Variants in DNAH5 observed in about 807,000 individuals in gnomAD.
DNAH5 encodes the protein axonemal beta dynein heavy chain 5.
DNAH5 carries 372 observed loss-of-function variants against 518.2 expected under a neutral mutation model. The observed-to-expected ratio is 0.72, with a 90% confidence interval of 0.66 to 0.78. The LOEUF (loss-of-function observed/expected upper bound fraction) is 0.78. Among genes scored for constraint, DNAH5 ranks in the 30% least tolerant of loss-of-function variants. The pLI is 0.00. For missense variants in DNAH5, 5,523 were observed against 5,687.0 expected (o/e 0.97, Z 0.93); for synonymous variants, 2,039 against 2,025.9 (o/e 1.01, Z -0.17).
Position 13,876,795 on chromosome 5 carries a change from T to G in DNAH5, c.3285A>C (p.Val1095=). 3.7e-6 allele frequency: 6 copies of G among 1,613,806 alleles called. No individual in the cohort carries two copies. The highest frequency in any genetic ancestry group is 5.1e-6 in the Non-Finnish European group (6 of 1,179,802). The change falls in exon 22 of 79, where the codon GTA becomes GTC. Residue 1095 remains valine, a synonymous_variant. Transcript: ENST00000265104. ...TGGTTTGCACGGGAATGGGTAAATTTACAGATGCTATCTCCAAGGTATCTA... is the reference window on the plus strand; with the variant it reads ...TGGTTTGCACGGGAATGGGTAAATTGACAGATGCTATCTCCAAGGTATCTA... ...ELQDTLEIAS[V]NLPIPVQTKN...
At chr5:13,747,199 C>T (rs1749495703) in intron 65 of DNAH5, among the ~76,000 whole-genome samples, 2 of 152,154 alleles carry the variant, frequency 1.3e-5, no homozygotes, top group South Asian at 2.1e-4. Context: ...TCATCCATGT[C>T]CCTACAAAGG....
upstream of DNAH5, among the ~76,000 whole-genome samples, chr5:13,946,496 C>T (rs896996948): frequency 1.3e-5 from 2 of 152,170 alleles, no homozygotes; most frequent in Admixed American, 1.3e-4. Flanking sequence ...CACCTACCCC[C>T]GCCAGCCCCT....
intron 49 of DNAH5, 145 bp downstream of exon 49, chr5:13,793,370 A>G: frequency 1.4e-6 from 1 of 712,390 alleles, no homozygotes; most frequent in Non-Finnish European, 2.5e-6. Flanking sequence ...AGGAAATGAA[A>G]TACACTGCTT....
intron 65 of DNAH5, among the ~76,000 whole-genome samples, chr5:13,747,150 G>C (rs1749483959): frequency 6.7e-6 from 1 of 149,686 alleles, no homozygotes; most frequent in Non-Finnish European, 1.5e-5. Flanking sequence ...TTGGTTTTTT[G>C]TCCTTGCGAT....
chr5:13,709,641 G>A (rs1378253677), intron 75 of DNAH5, among the ~76,000 whole-genome samples: 1 of 152,164 alleles, frequency 6.6e-6, no homozygotes, highest in African/African-American at 2.4e-5. Flanking sequence ...GAACAAAGCA[G>A]CAATCCCTAG....
Position 13,865,814 on chromosome 5 carries a change from A to T in DNAH5, c.4209T>A (p.Leu1403=). The T allele has an allele frequency of 6.2e-7, 1 of 1,613,858 alleles. No individual in the cohort carries two copies. Among genetic ancestry groups the T allele is most frequent in the Non-Finnish European group, 8.5e-7 (1 of 1,179,778 alleles). ...GLPATQYPQL[L]EIKKQLNLLQ... ...GAAGATTTAGTTGCTTCTTTATTTC[A>T]AGAAGCTGAGGATACTGTGTAGCTG... The change falls in exon 27 of 79, where the codon CTT becomes CTA. Residue 1403 remains leucine (L), a synonymous_variant. Coordinates refer to ENST00000265104, the MANE Select transcript of DNAH5 (RefSeq NM_001369.3).
chr5:13,763,041 A>G, intron 59 of DNAH5, 140 bp from the exon 60 acceptor site: 1 of 778,694 alleles, frequency 1.3e-6, no homozygotes, highest in Non-Finnish European at 2.2e-6. Context: ...ATTTTAAGAT[A>G]TGAGGCAAAA....
chr5:13,847,787 T>C (rs1766241234), intron 31 of DNAH5, among the ~76,000 whole-genome samples: 1 of 151,252 alleles, frequency 6.6e-6, no homozygotes, highest in Admixed American at 6.6e-5. Flanking sequence ...TGTGTGTCTG[T>C]CTGTCTGTCT....
chr5:13,930,971 C>G lies in DNAH5; in HGVS notation c.192+139G>C, dbSNP rs189119473. 235 of 1,259,834 alleles carry G rather than the reference C, an allele frequency of 1.9e-4. 2 individuals carry two copies. The East Asian group carries it at 4.7e-3, about 25-fold the overall frequency. The allele number at this position is 1,259,834 out of a possible 1,614,324, so 78.0% of individuals were successfully genotyped here. A position where few individuals can be genotyped will look rare whatever the true frequency, so the allele number is the denominator to read the frequency against. ...TAAGCTCATTCTGCAAGCACCAGTA[C>G]AGAGTCAGAATGGAGCCCTGTCCAC... On this transcript the variant is annotated intron_variant, in intron 2 of 78. Transcript: ENST00000265104.
At chr5:13,731,897 G>C (rs1055573071) in intron 68 of DNAH5, among the ~76,000 whole-genome samples, 20 of 152,154 alleles carry the variant, frequency 1.3e-4, no homozygotes, top group African/African-American at 4.6e-4. Context: ...ACTTTGGGAG[G>C]AAAAGGCAAG....
At chr5:13,737,990 G>A (rs1234456525) in intron 65 of DNAH5, among the ~76,000 whole-genome samples, 2 of 151,938 alleles carry the variant, frequency 1.3e-5, no homozygotes, top group Admixed American at 1.3e-4. Flanking sequence ...TTGAGCCAGG[G>A]AGGCAGAGGT....
chr5:13,786,201 T>C lies in DNAH5; in HGVS notation c.8798A>G (p.Asp2933Gly). The C allele has an allele frequency of 6.2e-7, 1 of 1,614,042 alleles. No homozygotes were observed. Among genetic ancestry groups the C allele is most frequent in the African/African-American group, 1.3e-5 (1 of 75,046 alleles). The change falls in exon 52 of 79, where the codon GAT becomes GGT. Residue 2933 changes from aspartate (D) to glycine (G), a missense_variant. Around this residue, in one of 3 missense-constraint regions of DNAH5, gnomAD observed 5,121 missense variants for 5,223.3 expected, o/e 0.98. Coordinates refer to ENST00000265104, the MANE Select transcript of DNAH5 (RefSeq NM_001369.3). ...TACCTTGACTAAGTGAACCATGGCA[T>C]CTGCAAAGAACACCATGTCCATGCC... ...GAGMDMVFFA[D>G]AMVHLVKISR... is the part of the protein sequence containing the mutation.
intron 32 of DNAH5, among the ~76,000 whole-genome samples, chr5:13,843,465 A>G (rs1426525147): frequency 1.3e-5 from 2 of 152,120 alleles, no homozygotes; most frequent in Non-Finnish European, 2.9e-5. Context: ...TCTCAAAAAG[A>G]TATACTGAAG....
chr5:13,985,642 A>G (rs1414653301), intron 1 of DNAH5, among the ~76,000 whole-genome samples: 1 of 152,046 alleles, frequency 6.6e-6, no homozygotes, highest in Non-Finnish European at 1.5e-5. Flanking sequence ...ATTTGTTACA[A>G]CAGCCAAAGG....
At chr5:13,813,753 G>T (rs1056199910) in intron 43 of DNAH5, among the ~76,000 whole-genome samples, 22 of 152,092 alleles carry the variant, frequency 1.4e-4, no homozygotes. Context: ...TTGCAACAGA[G>T]TTGAGTAAAT....
rs1236779417 is a variant in DNAH5, at chr5:13,714,546, C to T, written c.12984G>A (p.Leu4328=). ...PNADITYQSK[L]AKDVLDTILG... ...GGATGGTGTCCAGCACGTCCTTGGC[C>T]AGCTTGCTCTGGTAGGTGATGTCAG... The change falls in exon 75 of 79, where the codon CTG becomes CTA. Residue 4328 remains leucine (L), a synonymous_variant. Transcript: ENST00000265104. 1.9e-6 allele frequency: 3 copies of T among 1,614,168 alleles called. No homozygotes were observed. The African/African-American group carries it at 4.0e-5, about 22-fold the overall frequency.
At chr5:13,981,822 T>G (rs1782692276) in intron 1 of DNAH5, among the ~76,000 whole-genome samples, 1 of 152,138 alleles carries the variant, frequency 6.6e-6, no homozygotes, top group South Asian at 2.1e-4. Flanking sequence ...AAACTGGAGG[T>G]CACAGTTTAG....
At position 13,931,192 on chromosome 5, in the gene DNAH5, T is replaced by A; in HGVS notation, c.110A>T (p.His37Leu). The change falls in exon 2 of 79, where the codon CAT becomes CTT. Residue 37 changes from histidine (H) to leucine (L), a missense_variant. Transcript: ENST00000265104. Reference protein sequence around the residue: ...EAKRALLDARHNYLFAIVASC... With the variant: ...EAKRALLDARLNYLFAIVASC... ...AGCCACAATTGCAAATAAGTAGTTA[T>A]GCCTCGCATCCAAAAGAGCCCGCTT... 6.2e-7 allele frequency: 1 copy of A among 1,614,140 alleles called. No homozygotes were observed. The highest frequency in any genetic ancestry group is 8.5e-7 in the Non-Finnish European group (1 of 1,179,966).
intron 1 of DNAH5, among the ~76,000 whole-genome samples, chr5:13,986,698 C>A (rs1028935911): frequency 2.6e-5 from 4 of 152,124 alleles, no homozygotes; most frequent in African/African-American, 9.7e-5. Flanking sequence ...TGTAATTCCC[C>A]GAGACAACCC....
Sources: gnomAD v4.1 joint callset for allele counts (sites outside exome capture counted in the v4.1 genomes callset) on GRCh38, gnomAD v4.1.1 for gene constraint, gnomAD v4.1.1 regional missense constraint, MANE v1.5 for transcripts, NCBI Gene and HGNC (gene_info 2026-07-23, HGNC 2026-07-21) for gene names.